FAM217A: variants seen among roughly 807,000 people sequenced by gnomAD.
The protein encoded by FAM217A is family with sequence similarity 217 member A.
A neutral mutation model predicts 18.5 loss-of-function variants in FAM217A; 13 were observed. The ratio of observed to expected loss-of-function variants is 0.70; its 90% CI spans 0.46 to 1.12. The LOEUF is 1.12. Among genes scored for constraint, FAM217A ranks in the 50% most tolerant of loss-of-function variants. The probability of loss-of-function intolerance (pLI) is 0.00; values close to 1 mark genes in which losing one functional copy is unlikely to be tolerated. For missense variants in FAM217A, 560 were observed against 575.4 expected (o/e 0.97, Z 0.27); for synonymous variants, 161 against 202.8 (o/e 0.79, Z 1.75).
intron 3 of FAM217A, 45 bp from the exon 4 acceptor site, chr6:4,074,501 G>C (rs774659669): frequency 6.3e-7 from 1 of 1,579,306 alleles, no homozygotes; most frequent in Non-Finnish European, 8.7e-7. Context: ...ACATAAAACT[G>C]ATTATATTCA....
upstream of FAM217A, chr6:4,087,198 C>T (rs1770727335): frequency 1.5e-6 from 1 of 686,028 alleles, no homozygotes. Context: ...TACGCGCGCC[C>T]CCGCTTTCCC....
chr6:4,076,845 G>C (rs1561925782), intron 2 of FAM217A, among the ~76,000 whole-genome samples: 1 of 152,184 alleles, frequency 6.6e-6, no homozygotes, highest in Non-Finnish European at 1.5e-5. Context: ...TCCAGCCTGG[G>C]AGACAGAGGA....
At position 4,078,843 on chromosome 6, in the gene FAM217A, T is replaced by A; in HGVS notation, c.-35+9A>T. ...GCGGGATTCCCCGGGGCCGGGGCTC[T>A]CAACCCACCGCGCGAAGGCCCACGT... On this transcript the variant is annotated intron_variant, in intron 1 of 6. Coordinates refer to ENST00000274673, the MANE Select transcript of FAM217A (RefSeq NM_173563.3). The A allele has an allele frequency of 2.2e-6, 1 of 461,254 alleles. No homozygotes were observed. Among genetic ancestry groups the A allele is most frequent in the Non-Finnish European group, 3.9e-6 (1 of 258,510 alleles). The allele number at this position is 461,254 out of a possible 1,614,324, so 28.6% of individuals were successfully genotyped here.
rs1166373541 is a variant in FAM217A at position 4,068,942 on chromosome 6, CATTG to C, written c.1277_1280del (p.Ser426TrpfsTer23). ...GACATCTTGTGGAGACCATTTTAAC[CATTG>C]ATTGATTTGTATGGCCAATAGTAGG... On this transcript the variant is annotated frameshift_variant, in exon 7 of 7. Coordinates refer to ENST00000274673, the MANE Select transcript of FAM217A (RefSeq NM_173563.3). LOFTEE classifies it low-confidence loss of function (END_TRUNC). 2.5e-6 allele frequency: 4 copies of C among 1,614,118 alleles called. No individual in the cohort carries two copies. The highest frequency in any genetic ancestry group is 1.1e-5 in the South Asian group (1 of 91,080).
intron 1 of FAM217A, among the ~76,000 whole-genome samples, chr6:4,086,059 G>A (rs908954013): frequency 6.6e-6 from 1 of 151,708 alleles, no homozygotes; most frequent in Non-Finnish European, 1.5e-5. Flanking sequence ...AGGCTACAGT[G>A]AGCTGCACTG....
upstream of FAM217A, among the ~76,000 whole-genome samples, chr6:4,080,096 G>A (rs1215987969): frequency 6.6e-6 from 1 of 152,044 alleles, no homozygotes; most frequent in Non-Finnish European, 1.5e-5. Context: ...CATTTGGGGG[G>A]ATGAGATCAC....
At chr6:4,086,988 A>G (rs1770709390) in intron 1 of FAM217A, 1 of 398,910 alleles carries the variant, frequency 2.5e-6, no homozygotes, top group Admixed American at 4.4e-5. Flanking sequence ...GAACATAAGG[A>G]GTAACTAGTT....
chr6:4,078,884 C>A lies in FAM217A; in HGVS notation c.-67G>T. 1 of 561,324 alleles carries A rather than the reference C, an allele frequency of 1.8e-6. No homozygotes were observed. The highest frequency in any genetic ancestry group is 3.2e-6 in the Non-Finnish European group (1 of 311,502). The allele number at this position is 561,324 out of a possible 1,614,324, so 34.8% of individuals were successfully genotyped here. A position where few individuals can be genotyped will look rare whatever the true frequency, so the allele number is the denominator to read the frequency against. On this transcript the variant is annotated 5_prime_UTR_variant, in exon 1 of 7. Transcript: ENST00000274673. ...AGGCCCACGTGTCCTCCCCGGCGTG[C>A]TCTCCCGGTGCGCCGCCCCGAGGCC...
chr6:4,078,471 C>A (rs1176998841), intron 1 of FAM217A, among the ~76,000 whole-genome samples: 1 of 152,178 alleles, frequency 6.6e-6, no homozygotes, highest in African/African-American at 2.4e-5. Flanking sequence ...AGGTTTTCAG[C>A]CAACACCGGT....
At chr6:4,085,166 A>G (rs1770565116) in intron 1 of FAM217A, among the ~76,000 whole-genome samples, 1 of 152,224 alleles carries the variant, frequency 6.6e-6, no homozygotes, top group Non-Finnish European at 1.5e-5. Flanking sequence ...TCAGATCAAG[A>G]TCACACAGCT....
Position 4,073,555 on chromosome 6 carries a change from ATTCTTGTTCTAACAATGTATAG to A in FAM217A, c.160-70_160-49del, listed in dbSNP as rs752444994. 13 of 1,451,588 alleles carry A rather than the reference ATTCTTGTTCTAACAATGTATAG, an allele frequency of 9.0e-6. No individual in the cohort carries two copies. The South Asian group carries it at 1.6e-4, about 17-fold the overall frequency. The allele number at this position is 1,451,588 out of a possible 1,614,324, so 89.9% of individuals were successfully genotyped here. A position where few individuals can be genotyped will look rare whatever the true frequency, so the allele number is the denominator to read the frequency against. On this transcript the variant is annotated intron_variant, in intron 4 of 6. Coordinates refer to ENST00000274673, the MANE Select transcript of FAM217A (RefSeq NM_173563.3). Reference sequence around the variant, plus strand: ...TAAACATAATATATCTCTGTTCCCTATTCTTGTTCTAACAATGTATAGTTCTTGTTCTAATCAAGGAATGTAT... The same window carrying A: ...TAAACATAATATATCTCTGTTCCCTATTCTTGTTCTAATCAAGGAATGTAT...
chr6:4,086,615 C>G (rs1193427364), intron 1 of FAM217A, among the ~76,000 whole-genome samples: 1 of 152,174 alleles, frequency 6.6e-6, no homozygotes, highest in Non-Finnish European at 1.5e-5. Context: ...CCCACGCTCC[C>G]AGATTTGCCA....
exon 2 of FAM217A, chr6:4,084,622 G>A (rs1280798799): frequency 1.4e-6 from 1 of 702,940 alleles, no homozygotes; most frequent in Non-Finnish European, 2.6e-6. Context: ...CTTTCTGGTC[G>A]TCAGACCCCT....
In FAM217A at chr6:4,069,606, G is replaced by T. The variant is rs199952400; in HGVS notation, c.617C>A (p.Ser206Ter). 1 of 1,613,998 alleles carries T rather than the reference G, an allele frequency of 6.2e-7. No individual in the cohort carries two copies. The highest frequency in any genetic ancestry group is 1.3e-5 in the African/African-American group (1 of 74,998). The change falls in exon 7 of 7, where the codon TCA becomes TAA. Residue 206 changes from serine to a stop codon, truncating the protein, a stop_gained. Transcript: ENST00000274673. LOFTEE classifies it low-confidence loss of function (END_TRUNC). Reference protein sequence around the residue: ...EENFTDESDLSENEKTNDTLL... With the variant: ...EENFTDESDL ...AGTATCATTTGTCTTCTCATTTTCT[G>T]ATAAATCACTTTCATCTGTGAAATT...
chr6:4,081,388 C>T (rs1770289563), upstream of FAM217A, among the ~76,000 whole-genome samples: 1 of 152,112 alleles, frequency 6.6e-6, no homozygotes, highest in African/African-American at 2.4e-5. Flanking sequence ...ACTGCAACCT[C>T]TGCCTCCCAG....
chr6:4,073,181 G>A (rs1417430426), intron 6 of FAM217A, 94 bp downstream of exon 6: 5 of 965,298 alleles, frequency 5.2e-6, no homozygotes, highest in Non-Finnish European at 7.7e-6. Context: ...TTTTCTTCTG[G>A]TTGTTCATGG....
chr6:4,079,550 CCTTCCCTGGGCCTCTCCAGGCT>C (rs1391161705), upstream of FAM217A: 12 of 1,234,402 alleles, frequency 9.7e-6, no homozygotes, highest in Non-Finnish European at 1.3e-5. Context: ...GCCTCCAGGC[CCTTCCCTGGGCCTCTCCAGGCT>C]GAGCTCTCCG....
At position 4,078,961 on chromosome 6, in the gene FAM217A, C is replaced by CAA. The variant is rs1291448307; in HGVS notation, c.-145_-144insTT. On this transcript the variant is annotated 5_prime_UTR_variant, in exon 1 of 7. Transcript: ENST00000274673. ...GGCTTGGAGGGCGCCCCCTCTGCCG[C>CAA]GGCCTTCCTGCAGCGGGGGGACAAA... 10 of 530,744 alleles carry CAA rather than the reference C, an allele frequency of 1.9e-5. No homozygotes were observed. In the South Asian group the frequency reaches 2.2e-4, roughly 11 times the overall value. The allele number at this position is 530,744 out of a possible 1,614,324, so 32.9% of individuals were successfully genotyped here. A position where few individuals can be genotyped will look rare whatever the true frequency, so the allele number is the denominator to read the frequency against.
At position 4,069,282 on chromosome 6, in the gene FAM217A, G is replaced by A. The variant is rs1769233350; in HGVS notation, c.941C>T (p.Thr314Ile). ...ERPRLQTTFC[T>I]PAVTERPSSS... is the part of the protein sequence containing the mutation. ...AGAGGGTCGTTCAGTAACTGCTGGA[G>A]TACAGAAAGTCGTTTGTAGTCTTGG... Residue 314 changes from threonine to isoleucine, a missense_variant, in exon 7 of 7, where the codon ACT (threonine) becomes ATT (isoleucine). Thr to Ile is a moderately conservative substitution (Grantham distance 89, BLOSUM62 -1). Transcript: ENST00000274673. The A allele has an allele frequency of 6.2e-7, 1 of 1,614,044 alleles. No homozygotes were observed. The highest frequency in any genetic ancestry group is 1.3e-5 in the African/African-American group (1 of 74,914).
Sources: gnomAD v4.1 joint callset for allele counts (sites outside exome capture counted in the v4.1 genomes callset) on GRCh38, gnomAD v4.1.1 for gene constraint, MANE v1.5 for transcripts, NCBI Gene and HGNC (gene_info 2026-07-23, HGNC 2026-07-21) for gene names.